Variants in JAKMIP3 observed in about 807,000 individuals in gnomAD.
The protein encoded by JAKMIP3 is janus kinase and microtubule-interacting protein 3.
Under a neutral mutation model 118.5 loss-of-function variants are expected in JAKMIP3, and 58 were observed. The ratio of observed to expected loss-of-function variants is 0.49; its 90% CI spans 0.40 to 0.61. The LOEUF (loss-of-function observed/expected upper bound fraction) is 0.61. Among genes scored for constraint, JAKMIP3 ranks in the 20% least tolerant of loss-of-function variants. The pLI is 0.00. For synonymous variants in JAKMIP3, 486 were observed against 451.2 expected (o/e 1.08, Z -0.98); for missense variants, 950 against 1,109.0 (o/e 0.86, Z 2.04).
chr10:132,075,795 TAA>T (rs1564870614), intron 1 of JAKMIP3, among the ~76,000 whole-genome samples: 1 of 152,172 alleles, frequency 6.6e-6, no homozygotes, highest in Admixed American at 6.5e-5. Flanking sequence ...TGAATAAAAA[TAA>T]AAAAGTCTTT....
At position 132,112,962 on chromosome 10, in the gene JAKMIP3, A is replaced by C. The variant is rs2047102159; in HGVS notation, c.136-4115A>C. ...AGACAGTTCTCATCAGAGAGCATGC[A>C]CAGCTAGGGTTTGAAAGACTGTGAC... On this transcript the variant is annotated intron_variant, in intron 2 of 23. Coordinates refer to ENST00000684848, the MANE Select transcript of JAKMIP3 (RefSeq NM_001323087.2). This position sits in a 1 kb window ranked among gnomAD's most constrained non-coding sequence, Gnocchi z 4.3. 6.6e-6 allele frequency among the ~76,000 whole-genome samples: 1 copy of C among 152,196 alleles called. No homozygotes were observed. The highest frequency in any genetic ancestry group is 2.1e-4 in the South Asian group (1 of 4,836).
intron 11 of JAKMIP3, 60 bp downstream of exon 11, chr10:132,142,108 G>A: frequency 6.6e-7 from 1 of 1,517,320 alleles, no homozygotes; most frequent in Non-Finnish European, 8.8e-7. Flanking sequence ...TTGACCCCGT[G>A]GCCTGGGCTG....
rs1419059069 is a variant in JAKMIP3, at chr10:132,180,556, T to TGTGTGC, written c.*1104-1800_*1104-1799insTGTGCG. 1.5e-3 allele frequency among the ~76,000 whole-genome samples: 6 copies of TGTGTGC among 4,016 alleles called. 2 individuals are homozygous for TGTGTGC. Among genetic ancestry groups the TGTGTGC allele is most frequent in the East Asian group, 9.6e-3 (1 of 104 alleles). The allele number at this position is 4,016 out of a possible 152,430, so 2.6% of individuals were successfully genotyped here. The stretch of plus-strand genomic sequence containing the variant: ...GTGTGTGTGTGTGTGCGTGCGTGCA[T>TGTGTGC]GCGTGTGTGTGCGTGTGTGTGTGCG... On this transcript the variant is annotated intron_variant, in intron 23 of 23. Transcript: ENST00000684848.
At chr10:132,146,768 A>T (rs1459750293) in intron 13 of JAKMIP3, among the ~76,000 whole-genome samples, 1 of 152,152 alleles carries the variant, frequency 6.6e-6, no homozygotes, top group Non-Finnish European at 1.5e-5. Flanking sequence ...CTTGGTTTGC[A>T]TCTTGAATGG....
At chr10:132,063,658 G>C (rs1033047342), upstream of JAKMIP3, among the ~76,000 whole-genome samples, 1 of 151,456 alleles carries the variant, frequency 6.6e-6, no homozygotes, top group African/African-American at 2.4e-5. Context: ...GGCTCCGGGA[G>C]AGAACGGACC....
At chr10:132,166,064 C>T (rs1275555431) in intron 21 of JAKMIP3, among the ~76,000 whole-genome samples, 2 of 152,216 alleles carry the variant, frequency 1.3e-5, no homozygotes, top group African/African-American at 2.4e-5. Flanking sequence ...TGGCTCATGC[C>T]TGTAATTCCA....
intron 23 of JAKMIP3, among the ~76,000 whole-genome samples, chr10:132,170,942 G>A (rs964262195): frequency 3.3e-5 from 5 of 152,240 alleles, no homozygotes; most frequent in African/African-American, 7.2e-5. Context: ...CAAGCGTCAC[G>A]TTGCACCAGG....
rs1291407835 is a variant in JAKMIP3 at position 132,168,127 on chromosome 10, G to A, written c.*197G>A. 1.6e-6 allele frequency: 2 copies of A among 1,288,114 alleles called. No homozygotes were observed. Among genetic ancestry groups the A allele is most frequent in the Non-Finnish European group, 2.0e-6 (2 of 988,002 alleles). 79.8% of individuals were successfully genotyped at this position (1,288,114 alleles called of 1,614,324 possible). A position where few individuals can be genotyped will look rare whatever the true frequency, so the allele number is the denominator to read the frequency against. On this transcript the variant is annotated 3_prime_UTR_variant, in exon 23 of 24. Coordinates refer to ENST00000684848, the MANE Select transcript of JAKMIP3 (RefSeq NM_001323087.2). The stretch of plus-strand genomic sequence containing the variant: ...CGTGGAGCTGCCGTCCACGTGGGAT[G>A]TGCCAGAACTAGAACTGGCTCTGCC...
intron 2 of JAKMIP3, among the ~76,000 whole-genome samples, chr10:132,105,552 T>C (rs553902888): frequency 4.6e-4 from 25 of 54,522 alleles, no homozygotes; most frequent in Middle Eastern, 8.3e-3. Context: ...GGTGGGGGTC[T>C]GAAGCAGGGG....
chr10:132,064,288 C>G (rs2038530272), upstream of JAKMIP3, among the ~76,000 whole-genome samples: 1 of 152,226 alleles, frequency 6.6e-6, no homozygotes, highest in African/African-American at 2.4e-5. This position sits in a 1 kb window ranked among gnomAD's most constrained non-coding sequence, Gnocchi z 4.4. Flanking sequence ...AAAGTCAAAT[C>G]TGTGCACACA....
chr10:132,092,261 T>C (rs1463773192), intron 1 of JAKMIP3, among the ~76,000 whole-genome samples: 1 of 151,606 alleles, frequency 6.6e-6, no homozygotes, highest in East Asian at 1.9e-4. Flanking sequence ...TTGCTCTTCT[T>C]GAGGAGTATC....
In JAKMIP3 at chr10:132,166,645, G is replaced by A. The variant is rs150947768; in HGVS notation, c.2491-338G>A. Among the ~76,000 whole-genome samples, 9 of 152,200 alleles carry A rather than the reference G, an allele frequency of 5.9e-5. No individual in the cohort carries two copies. In the East Asian group the frequency reaches 1.7e-3, roughly 29 times the overall value. On this transcript the variant is annotated intron_variant, in intron 21 of 23. Coordinates refer to ENST00000684848, the MANE Select transcript of JAKMIP3 (RefSeq NM_001323087.2). ...AAAAATTCCTGCAGCAGGTCTCAGC[G>A]ATGGGTTTCACTTCAGGGAGGAGGA...
intron 11 of JAKMIP3, among the ~76,000 whole-genome samples, chr10:132,143,065 TG>T (rs908793775): frequency 2.9e-4 from 44 of 151,694 alleles, no homozygotes; most frequent in African/African-American, 9.7e-4. Flanking sequence ...CCTGCCTTCC[TG>T]GCACCTCATT....
chr10:132,051,899 C>T (rs765602824), intron 1 of JAKMIP3, among the ~76,000 whole-genome samples: 4 of 152,238 alleles, frequency 2.6e-5, no homozygotes, highest in Non-Finnish European at 5.9e-5. Flanking sequence ...TTAGCCACCA[C>T]GCTTGGCCAG....
intron 1 of JAKMIP3, among the ~76,000 whole-genome samples, chr10:132,040,293 T>C (rs1442861956): frequency 6.6e-6 from 1 of 152,206 alleles, no homozygotes; most frequent in Non-Finnish European, 1.5e-5. Flanking sequence ...GCCGGCTCCT[T>C]GGCCTCAGAC....
rs1211484771 is a variant in JAKMIP3 at position 132,150,124 on chromosome 10, A to T, written c.2007+83A>T. ...CCTCTGGGGTCCAGGAGGCCCTGCC[A>T]GCCTCCCACAGCCCTGCCATGGGCC... On this transcript the variant is annotated intron_variant, in intron 16 of 23. Coordinates refer to ENST00000684848, the MANE Select transcript of JAKMIP3 (RefSeq NM_001323087.2). 9.2e-6 allele frequency: 10 copies of T among 1,085,698 alleles called. No individual in the cohort carries two copies. The Admixed American group carries it at 2.5e-4, about 27-fold the overall frequency. 67.3% of individuals were successfully genotyped at this position (1,085,698 alleles called of 1,614,324 possible).
At position 132,150,010 on chromosome 10, in the gene JAKMIP3, A is replaced by C. The variant is rs376306525; in HGVS notation, c.1976A>C (p.Lys659Thr). 1 of 1,592,682 alleles carries C rather than the reference A, an allele frequency of 6.3e-7. No homozygotes were observed. Among genetic ancestry groups the C allele is most frequent in the Non-Finnish European group, 8.5e-7 (1 of 1,173,234 alleles). Residue 659 changes from lysine (K) to threonine (T), a missense_variant, in exon 16 of 24, where the codon AAG (lysine) becomes ACG (threonine). Transcript: ENST00000684848. Reference protein sequence around the residue: ...TDIVVAELMKKLDILGDNAVS... With the variant: ...TDIVVAELMKTLDILGDNAVS... ...ATTGTGGTTGCGGAGCTGATGAAGA[A>C]GCTGGACATCCTGGGCGATAACGCC...
chr10:132,038,790 C>CAAA (rs58917363), intron 1 of JAKMIP3, among the ~76,000 whole-genome samples: 8 of 124,732 alleles, frequency 6.4e-5, no homozygotes, highest in South Asian at 2.6e-4. Context: ...GAGACTGTCT[C>CAAA]AAAAAAAAAA....
At chr10:132,106,580 G>A (rs2045948298) in intron 2 of JAKMIP3, among the ~76,000 whole-genome samples, 1 of 152,188 alleles carries the variant, frequency 6.6e-6, no homozygotes, top group South Asian at 2.1e-4. Flanking sequence ...TCGGATACCA[G>A]AAGGCCGATG....
Sources: gnomAD v4.1 joint callset for allele counts (sites outside exome capture counted in the v4.1 genomes callset) on GRCh38, gnomAD v4.1.1 for gene constraint, Gnocchi (gnomAD v3.1) non-coding constraint, MANE v1.5 for transcripts, NCBI Gene and HGNC (gene_info 2026-07-23, HGNC 2026-07-21) for gene names.